ROBO2: variants seen among roughly 807,000 people sequenced by gnomAD.
ROBO2 encodes roundabout guidance receptor 2, also known as roundabout homolog 2.
A neutral mutation model predicts 160.8 loss-of-function variants in ROBO2; 53 were observed. The observed-to-expected ratio is 0.33, with a 90% CI of 0.26 to 0.41. ROBO2 has a LOEUF of 0.41. ROBO2 is among the 10% of genes least tolerant of loss of function. The pLI is 1.00. For synonymous variants in ROBO2, 664 were observed against 611.7 expected, an observed-to-expected ratio of 1.09 and a Z score of -1.26; for missense variants, 1,577 against 1,722.4, an observed-to-expected ratio of 0.92 and a Z score of 1.49.
At chr3:75,929,830 G>A (rs1947458672) in intron 1 of ROBO2, among the ~76,000 whole-genome samples, 1 of 151,948 alleles carries the variant, frequency 6.6e-6, no homozygotes, top group African/African-American at 2.4e-5. Flanking sequence ...GAATAACTGG[G>A]ATTACAGGTG....
At chr3:77,515,734 G>T (rs2089944987) in intron 5 of ROBO2, among the ~76,000 whole-genome samples, 1 of 151,606 alleles carries the variant, frequency 6.6e-6, no homozygotes, top group Non-Finnish European at 1.5e-5. Context: ...TTGGTAAAAA[G>T]CTGGGTAAAA....
rs558447821 is a variant in ROBO2, at chr3:77,360,488, T to C, written c.389-116926T>C. ...CAGTATCTATTATCATAAAATGCTATAACTGTCACCTTGGGCTTATACAGA... is the reference window on the plus strand; with the variant it reads ...CAGTATCTATTATCATAAAATGCTACAACTGTCACCTTGGGCTTATACAGA... On this transcript the variant is annotated intron_variant, in intron 2 of 25. Coordinates refer to ENST00000461745, the Ensembl canonical transcript of ROBO2. Among the ~76,000 whole-genome samples the C allele has an allele frequency of 3.5e-4, 54 of 152,294 alleles. No homozygotes were observed. The Middle Eastern group carries it at 0.01, about 29-fold the overall frequency.
At chr3:77,600,510 G>C (rs547488705) in intron 19 of ROBO2, among the ~76,000 whole-genome samples, 60 of 152,234 alleles carry the variant, frequency 3.9e-4, no homozygotes, top group Admixed American at 7.2e-4. Flanking sequence ...TTTAACATTT[G>C]AGCACACAGC....
Position 76,785,943 on chromosome 3 carries a change from G to A in ROBO2, c.110-312071G>A, listed in dbSNP as rs867362100. Among the ~76,000 whole-genome samples, 163 of 151,410 alleles carry A rather than the reference G, an allele frequency of 1.1e-3. 3 individuals are homozygous for A. Among genetic ancestry groups the A allele is most frequent in the Admixed American group, 9.9e-4 (15 of 15,140 alleles). ...TATATGTATTAGAGTCAAGTACAGT[G>A]AGGATGTAGAGAATGGGAAAGACAT... On this transcript the variant is annotated intron_variant, in intron 2 of 26. Transcript: ENST00000487694.
At chr3:77,297,646 A>G (rs937913100) in intron 2 of ROBO2, among the ~76,000 whole-genome samples, 29 of 152,136 alleles carry the variant, frequency 1.9e-4, no homozygotes, top group African/African-American at 7.0e-4. Flanking sequence ...ATCTAACTTT[A>G]AAGATATGTA....
At chr3:76,668,040 G>A (rs1351732136) in intron 2 of ROBO2, among the ~76,000 whole-genome samples, 3 of 152,130 alleles carry the variant, frequency 2.0e-5, no homozygotes, top group Non-Finnish European at 4.4e-5. Flanking sequence ...CTCTACTGCT[G>A]TGGCTGTTAT....
intron 2 of ROBO2, among the ~76,000 whole-genome samples, chr3:77,259,308 T>C (rs766429806): frequency 6.6e-6 from 1 of 152,234 alleles, no homozygotes; most frequent in Non-Finnish European, 1.5e-5. Flanking sequence ...TTAGCGTTCA[T>C]AGAATGTAAG....
chr3:76,330,126 C>T (rs1309383941), intron 2 of ROBO2, among the ~76,000 whole-genome samples: 1 of 152,142 alleles, frequency 6.6e-6, no homozygotes, highest in African/African-American at 2.4e-5. Flanking sequence ...CACCATGAGG[C>T]AGAAACCAAA....
chr3:77,113,414 T>A (rs534929978), intron 2 of ROBO2, among the ~76,000 whole-genome samples: 1 of 152,238 alleles, frequency 6.6e-6, no homozygotes, highest in Admixed American at 6.5e-5. Context: ...TAAGTACTTA[T>A]TTGGTTCTTG....
intron 2 of ROBO2, among the ~76,000 whole-genome samples, chr3:76,752,412 G>C (rs2060723681): frequency 1.3e-5 from 2 of 150,076 alleles, no homozygotes; most frequent in South Asian, 4.2e-4. Context: ...TTGTGCACAT[G>C]TACCCTAGAA....
intron 6 of ROBO2, among the ~76,000 whole-genome samples, chr3:77,538,024 A>T (rs970819217): frequency 2.1e-5 from 3 of 146,256 alleles, no homozygotes; most frequent in African/African-American, 7.3e-5. Context: ...ACTATGGAAT[A>T]AGGATTTTTA....
At chr3:77,546,553 A>G (rs1293192142) in intron 7 of ROBO2, 91 bp downstream of exon 8, 25 of 1,474,808 alleles carry the variant, frequency 1.7e-5, no homozygotes, top group South Asian at 4.6e-5. Context: ...TCTTGTTCTC[A>G]ATGTTTGAAT....
intron 2 of ROBO2, among the ~76,000 whole-genome samples, chr3:76,673,748 A>G (rs1376884640): frequency 1.3e-5 from 2 of 152,052 alleles, no homozygotes; most frequent in Admixed American, 1.3e-4. Context: ...ATGAAAATAG[A>G]CCCAAAATTC....
chr3:76,264,486 G>A (rs1012761613), intron 2 of ROBO2, among the ~76,000 whole-genome samples: 2 of 151,870 alleles, frequency 1.3e-5, no homozygotes, highest in African/African-American at 4.8e-5. Flanking sequence ...TATGTCTCTC[G>A]CTTTCTTAAA....
At chr3:76,261,205 T>TGTGTGTGTG (rs201526041) in intron 2 of ROBO2, among the ~76,000 whole-genome samples, 5,197 of 137,298 alleles carry the variant, frequency 0.038, 517 homozygotes, top group Non-Finnish European at 0.057. Flanking sequence ...TGTGTGTGTA[T>TGTGTGTGTG]ATATATATAT....
intron 2 of ROBO2, among the ~76,000 whole-genome samples, chr3:76,767,685 T>C: frequency 6.6e-6 from 1 of 151,656 alleles, no homozygotes; most frequent in South Asian, 2.1e-4. Context: ...CTGTACTCTT[T>C]TTTATTAAAC....
At chr3:76,627,811 G>A (rs1409749394) in intron 2 of ROBO2, among the ~76,000 whole-genome samples, 4 of 152,152 alleles carry the variant, frequency 2.6e-5, no homozygotes, top group Non-Finnish European at 5.9e-5. Context: ...TCTGCAGTGG[G>A]AGTGTAGCAA....
chr3:75,911,620 C>T (rs1347488000), intron 1 of ROBO2, among the ~76,000 whole-genome samples: 2 of 130,254 alleles, frequency 1.5e-5, no homozygotes, highest in African/African-American at 5.8e-5. Flanking sequence ...TGCAGTGGCG[C>T]GATCTCGACT....
chr3:76,933,637 C>T (rs1257150525), intron 2 of ROBO2, among the ~76,000 whole-genome samples: 1 of 152,168 alleles, frequency 6.6e-6, no homozygotes, highest in Non-Finnish European at 1.5e-5. Context: ...GCTAAAAAGC[C>T]TTTCCTCCTC....
Sources: allele counts gnomAD v4.1 joint callset (sites outside exome capture counted in the v4.1 genomes callset), GRCh38; gene constraint gnomAD v4.1.1; transcripts MANE v1.5; gene names NCBI Gene and HGNC (gene_info 2026-07-23, HGNC 2026-07-21).